The following DEFB1 variants were observed in gnomAD, a reference collection of about 807,000 sequenced individuals.
DEFB1 encodes the protein defensin beta 1, also known as beta-defensin 1.
DEFB1 carries 4 observed loss-of-function variants against 2.6 expected under a neutral mutation model. The observed-to-expected ratio is 1.53, with a 90% CI of 0.76 to 3.51. DEFB1 has a LOEUF of 3.51. DEFB1 is among the 30% of genes most tolerant of loss of function. DEFB1 has a pLI of 0.01. For missense variants in DEFB1, 162 were observed against 76.9 expected (o/e 2.11, Z -4.14); for synonymous variants, 56 against 28.5 (o/e 1.96, Z -3.07).
chr8:6,875,565 T>C (rs1303664006), intron 1 of DEFB1, among the ~76,000 whole-genome samples: 1 of 152,228 alleles, frequency 6.6e-6, no homozygotes. Flanking sequence ...TCCAGTGAGC[T>C]ATTGCTACAC....
intron 1 of DEFB1, among the ~76,000 whole-genome samples, chr8:6,875,946 A>G (rs528569149): frequency 2.4e-4 from 36 of 152,284 alleles, no homozygotes; most frequent in African/African-American, 8.7e-4. Flanking sequence ...GTGACTGGGA[A>G]GGCTCGAGAA....
intron 1 of DEFB1, among the ~76,000 whole-genome samples, chr8:6,874,568 G>A (rs919552161): frequency 6.6e-6 from 1 of 152,220 alleles, no homozygotes; most frequent in African/African-American, 2.4e-5. Context: ...TATGGCACAA[G>A]GACAGAAAAA....
At chr8:6,875,996 AC>A (rs755935868) in intron 1 of DEFB1, among the ~76,000 whole-genome samples, 8 of 152,160 alleles carry the variant, frequency 5.3e-5, no homozygotes, top group Non-Finnish European at 7.4e-5. Flanking sequence ...TAGACTGAAA[AC>A]AAAAATTCTT....
At chr8:6,873,012 A>G (rs1292942724) in intron 1 of DEFB1, among the ~76,000 whole-genome samples, 1 of 152,214 alleles carries the variant, frequency 6.6e-6, no homozygotes, top group Non-Finnish European at 1.5e-5. Flanking sequence ...TGAAATCGAG[A>G]AGGTTTATAC....
chr8:6,877,877 C>T lies in DEFB1; in HGVS notation c.-20G>A, dbSNP rs11362. 694,155 of 1,610,394 alleles carry T rather than the reference C, an allele frequency of 0.43. 151,820 individuals carry two copies. Among genetic ancestry groups the T allele is most frequent in the South Asian group, 0.45 (41,350 of 91,004 alleles). The stretch of plus-strand genomic sequence containing the variant: ...TCTCATGGCGACTGGCAGGCAACAC[C>T]CAGGATTTCAGGAACTGGGGAGACG... On this transcript the variant is annotated 5_prime_UTR_variant, in exon 1 of 2. Transcript: ENST00000297439.
At chr8:6,874,153 A>ACACACACACACG (rs1242593555) in intron 1 of DEFB1, among the ~76,000 whole-genome samples, 2 of 142,070 alleles carry the variant, frequency 1.4e-5, no homozygotes, top group African/African-American at 5.1e-5. Context: ...ACACGCACAC[A>ACACACACACACG]CACGCACATG....
intron 1 of DEFB1, among the ~76,000 whole-genome samples, chr8:6,874,724 G>A (rs2978867): frequency 0.82 from 125,262 of 152,166 alleles, 51,768 homozygotes; most frequent in Middle Eastern, 0.89. Context: ...GCTCATGGCT[G>A]TAATCCCAGC....
At chr8:6,870,863 C>T (rs957410454) in intron 1 of DEFB1, 37 bp from the exon 2 acceptor site, 2 of 1,570,942 alleles carry the variant, frequency 1.3e-6, no homozygotes, top group Admixed American at 3.9e-5. Flanking sequence ...AGACTCATGG[C>T]TTGTAGCTGC....
At chr8:6,873,455 C>A (rs764473159) in intron 1 of DEFB1, among the ~76,000 whole-genome samples, 1 of 152,202 alleles carries the variant, frequency 6.6e-6, no homozygotes, top group Admixed American at 6.5e-5. Flanking sequence ...ACTGTGTGAT[C>A]TTTTGCAAAC....
At chr8:6,873,157 A>C (rs931881031) in intron 1 of DEFB1, among the ~76,000 whole-genome samples, 2 of 152,150 alleles carry the variant, frequency 1.3e-5, no homozygotes, top group African/African-American at 4.8e-5. Flanking sequence ...AATTAATTCA[A>C]CCTTTCTGTG....
At position 6,875,064 on chromosome 8, in the gene DEFB1, C is replaced by CCACA. The variant is rs61101914; in HGVS notation, c.61+2729_61+2732dup. Among the ~76,000 whole-genome samples, 617 of 135,704 alleles carry CCACA rather than the reference C, an allele frequency of 4.5e-3. 4 individuals carry two copies. Among genetic ancestry groups the CCACA allele is most frequent in the African/African-American group, 6.2e-3 (220 of 35,388 alleles). The allele number at this position is 135,704 out of a possible 152,430, so 89.0% of individuals were successfully genotyped here. A position where few individuals can be genotyped will look rare whatever the true frequency, so the allele number is the denominator to read the frequency against. ...ACTTGACCGTTACTTCATACCGAAG[C>CCACA]CACACACACACACACACACACACAC... On this transcript the variant is annotated intron_variant, in intron 1 of 1. Coordinates refer to ENST00000297439, the MANE Select transcript of DEFB1 (RefSeq NM_005218.4).
chr8:6,871,070 G>A (rs1032156094), intron 1 of DEFB1, among the ~76,000 whole-genome samples: 1 of 152,320 alleles, frequency 6.6e-6, no homozygotes. Context: ...GTTCTGAGTG[G>A]GGTTTTCTTC....
intron 1 of DEFB1, 59 bp from the exon 2 acceptor site, chr8:6,870,885 A>G: frequency 1.3e-6 from 2 of 1,543,284 alleles, no homozygotes; most frequent in African/African-American, 1.4e-5. Flanking sequence ...ACGATTTGAG[A>G]ACATCTCGCG....
rs776780735 is a variant in DEFB1, at chr8:6,870,845, A to G, written c.62-19T>C. The G allele has an allele frequency of 1.9e-6, 3 of 1,606,158 alleles. No homozygotes were observed. The highest frequency in any genetic ancestry group is 2.2e-5 in the East Asian group (1 of 44,740). On this transcript the variant is annotated intron_variant, in intron 1 of 1. Transcript: ENST00000297439. Reference sequence around the variant, plus strand: ...TTACCACCTGTAAGGAGGGAACACAAACACTTCAGACTCATGGCTTGTAGC... The same window carrying G: ...TTACCACCTGTAAGGAGGGAACACAGACACTTCAGACTCATGGCTTGTAGC...
chr8:6,871,900 G>T (rs549946797), intron 1 of DEFB1, among the ~76,000 whole-genome samples: 2 of 152,140 alleles, frequency 1.3e-5, no homozygotes, highest in African/African-American at 2.4e-5. Context: ...CAGTTTAAAC[G>T]ATAAATCTGG....
intron 1 of DEFB1, among the ~76,000 whole-genome samples, chr8:6,875,323 G>A (rs537698529): frequency 1.3e-5 from 2 of 152,098 alleles, no homozygotes; most frequent in African/African-American, 4.8e-5. Context: ...TCCATTAAGA[G>A]AGTGAAAAAT....
In DEFB1 at chr8:6,870,806, G is replaced by C. The variant is rs1806283084; in HGVS notation, c.82C>G (p.Leu28Val). Residue 28 changes from leucine to valine, a missense_variant, in exon 2 of 2, where the codon CTT becomes GTT. Physicochemically the swap from Leu to Val is conservative, Grantham distance 32. Transcript: ENST00000297439. ...MASGGNFLTG[L>V]GHRSDHYNCV... ...TTGTAATGATCAGATCTGTGGCCAA[G>C]GCCTGTGAGAAAGTTACCACCTGTA... 3.1e-6 allele frequency: 5 copies of C among 1,613,392 alleles called. No homozygotes were observed. In the African/African-American group the frequency reaches 5.3e-5, roughly 17 times the overall value.
intron 1 of DEFB1, among the ~76,000 whole-genome samples, chr8:6,876,975 C>G (rs953410285): frequency 1.3e-5 from 2 of 152,056 alleles, no homozygotes; most frequent in African/African-American, 2.4e-5. Context: ...TTAAGCCTAT[C>G]TGCTGGATAC....
At position 6,877,676 on chromosome 8, in the gene DEFB1, G is replaced by T. The variant is rs556200701; in HGVS notation, c.61+121C>A. The T allele has an allele frequency of 1.5e-5, 13 of 880,952 alleles. No individual in the cohort carries two copies. The African/African-American group carries it at 2.2e-4, about 15-fold the overall frequency. 54.6% of individuals were successfully genotyped at this position (880,952 alleles called of 1,614,324 possible). On this transcript the variant is annotated intron_variant, in intron 1 of 1. Coordinates refer to ENST00000297439, the MANE Select transcript of DEFB1 (RefSeq NM_005218.4). ...CCAACTGCAGGCCACTCAACCACGG[G>T]ATGCTTTCCTGCTGCTTGTTCCTCG...
Sources: allele counts gnomAD v4.1 joint callset (sites outside exome capture counted in the v4.1 genomes callset), GRCh38; gene constraint gnomAD v4.1.1; transcripts MANE v1.5; gene names NCBI Gene and HGNC (gene_info 2026-07-23, HGNC 2026-07-21).